ATP8B1: variants seen among roughly 807,000 people sequenced by gnomAD.
The protein encoded by ATP8B1 is ATPase phospholipid transporting 8B1.
In ATP8B1, 80 loss-of-function variants were observed where a neutral mutation model predicts 149.9. That is an observed-to-expected ratio of 0.53 (90% CI 0.45 to 0.64). The LOEUF (loss-of-function observed/expected upper bound fraction) is 0.64. Ranked by LOEUF, ATP8B1 falls within the 30% of genes least tolerant of loss-of-function variation. The probability of loss-of-function intolerance (pLI) is 0.00; values close to 1 mark genes in which losing one functional copy is unlikely to be tolerated. For synonymous variants in ATP8B1, 536 were observed against 562.8 expected (o/e 0.95, Z 0.67); for missense variants, 1,247 against 1,552.6 (o/e 0.80, Z 3.31).
At chr18:57,765,544 C>T (rs1327949754) in intron 1 of ATP8B1, among the ~76,000 whole-genome samples, 9 of 151,994 alleles carry the variant, frequency 5.9e-5, no homozygotes, top group Admixed American at 1.3e-4. Flanking sequence ...TGGCGGGCAC[C>T]TGTAGTCCCA....
intron 20 of ATP8B1, among the ~76,000 whole-genome samples, chr18:57,663,395 G>A (rs961933377): frequency 6.6e-6 from 1 of 152,110 alleles, no homozygotes; most frequent in Non-Finnish European, 1.5e-5. Flanking sequence ...TGTGAACATG[G>A]GTGTGCATGT....
intron 1 of ATP8B1, among the ~76,000 whole-genome samples, chr18:57,753,792 G>A (rs909840293): frequency 2.0e-5 from 3 of 151,940 alleles, no homozygotes; most frequent in Non-Finnish European, 4.4e-5. Context: ...GCTGGGCTTG[G>A]TGGTGCACTT....
At chr18:57,797,587 C>T (rs2080526771) in intron 1 of ATP8B1, among the ~76,000 whole-genome samples, 1 of 152,032 alleles carries the variant, frequency 6.6e-6, no homozygotes, top group African/African-American at 2.4e-5. Flanking sequence ...CACAGATCTT[C>T]AGAGTGGAAG....
At chr18:57,743,259 C>G (rs149344465) in intron 1 of ATP8B1, among the ~76,000 whole-genome samples, 1 of 152,082 alleles carries the variant, frequency 6.6e-6, no homozygotes, top group Non-Finnish European at 1.5e-5. Flanking sequence ...GTACAGTGAA[C>G]GCATCGTAGA....
chr18:57,655,991 T>C (rs1328753976), intron 22 of ATP8B1, among the ~76,000 whole-genome samples: 2 of 152,210 alleles, frequency 1.3e-5, no homozygotes, highest in East Asian at 1.9e-4. Flanking sequence ...CCAGCATCGC[T>C]TCCTCTTTTG....
intron 1 of ATP8B1, chr18:57,732,155 A>ATATATGTGTATATGTG (rs1356269230): frequency 2.3e-5 from 1 of 43,650 alleles, no homozygotes. Context: ...GTATATATGT[A>ATATATGTGTATATGTG]TATATATGTA....
chr18:57,771,717 T>C (rs117951589), intron 1 of ATP8B1, among the ~76,000 whole-genome samples: 2 of 152,258 alleles, frequency 1.3e-5, no homozygotes, highest in East Asian at 3.9e-4. Context: ...GATCAGAACA[T>C]ATCCAGTTTC....
chr18:57,736,556 G>A (rs1053628156), intron 1 of ATP8B1, among the ~76,000 whole-genome samples: 2 of 147,732 alleles, frequency 1.4e-5, no homozygotes, highest in Non-Finnish European at 3.0e-5. Flanking sequence ...GAACTCTTGG[G>A]CTCAAGGAAT....
At chr18:57,731,381 A>ACG in intron 2 of ATP8B1, 1 of 293,688 alleles carries the variant, frequency 3.4e-6, no homozygotes, top group Non-Finnish European at 6.4e-6. Flanking sequence ...ATATACACAC[A>ACG]CTAACAAAGA....
intron 16 of ATP8B1, among the ~76,000 whole-genome samples, chr18:57,673,951 C>G (rs1368191593): frequency 6.6e-6 from 1 of 151,964 alleles, no homozygotes; most frequent in African/African-American, 2.4e-5. Flanking sequence ...TCCTCCCTTC[C>G]CTGCCATCAA....
intron 13 of ATP8B1, among the ~76,000 whole-genome samples, chr18:57,685,705 G>T (rs1024204588): frequency 2.1e-5 from 3 of 143,698 alleles, no homozygotes; most frequent in Non-Finnish European, 4.6e-5. Flanking sequence ...GCTGAGATGG[G>T]CTGATCACCT....
At chr18:57,799,082 T>C (rs1295469544) in intron 1 of ATP8B1, among the ~76,000 whole-genome samples, 1 of 152,184 alleles carries the variant, frequency 6.6e-6, no homozygotes, top group Admixed American at 6.5e-5. Context: ...AGCTATCTCA[T>C]TTGGAACTCA....
chr18:57,782,253 C>T (rs1016209409), intron 1 of ATP8B1, among the ~76,000 whole-genome samples: 1 of 152,256 alleles, frequency 6.6e-6, no homozygotes, highest in African/African-American at 2.4e-5. Context: ...CAGCAAATAA[C>T]TACACAGATA....
At position 57,669,498 on chromosome 18, in the gene ATP8B1, A is replaced by G; in HGVS notation, c.1933-16T>C. ...TTGCAAAGATCTGTTTTATTTAAAA[A>G]AATAAATCCACCAATGCAAAGAATA... On this transcript the variant is annotated splice_polypyrimidine_tract_variant and intron_variant, in intron 17 of 27. Transcript: ENST00000648908. 1 of 1,604,716 alleles carries G rather than the reference A, an allele frequency of 6.2e-7. No individual in the cohort carries two copies. Among genetic ancestry groups the G allele is most frequent in the Non-Finnish European group, 8.5e-7 (1 of 1,172,640 alleles).
intron 1 of ATP8B1, among the ~76,000 whole-genome samples, chr18:57,759,214 C>T (rs968530313): frequency 9.3e-5 from 14 of 150,050 alleles, no homozygotes; most frequent in Admixed American, 2.0e-4. Context: ...GGCTTGCTTC[C>T]CTTTCTTTCT....
At chr18:57,692,077 A>C in intron 11 of ATP8B1, 80 bp from the exon 12 acceptor site, 1 of 1,546,362 alleles carries the variant, frequency 6.5e-7, no homozygotes, top group Non-Finnish European at 8.7e-7. Flanking sequence ...AATTAACCTT[A>C]CTCAATACTT....
At chr18:57,743,652 A>C (rs2079938999) in intron 1 of ATP8B1, among the ~76,000 whole-genome samples, 1 of 152,144 alleles carries the variant, frequency 6.6e-6, no homozygotes, top group African/African-American at 2.4e-5. Context: ...TGCAATGGAA[A>C]GGCCCAGCAC....
chr18:57,691,777 A>G, intron 12 of ATP8B1, 30 bp downstream of exon 12: 1 of 1,612,708 alleles, frequency 6.2e-7, no homozygotes, highest in East Asian at 2.2e-5. Flanking sequence ...TTCTTCCATT[A>G]AAGCAAAATG....
rs145917551 is a variant in ATP8B1 at position 57,783,501 on chromosome 18, T to G, written c.-26+19497A>C. ...TATGCCTGGTAGATGCTGCCTTAAG[T>G]GAAGCAAGACTCCTGATATTCACAA... On this transcript the variant is annotated intron_variant, in intron 1 of 27. Transcript: ENST00000648908. Among the ~76,000 whole-genome samples, 14 of 152,204 alleles carry G rather than the reference T, an allele frequency of 9.2e-5. No individual in the cohort carries two copies. The East Asian group carries it at 2.5e-3, about 27-fold the overall frequency.
Sources: gnomAD v4.1 joint callset for allele counts (sites outside exome capture counted in the v4.1 genomes callset) on GRCh38, gnomAD v4.1.1 for gene constraint, MANE v1.5 for transcripts, NCBI Gene and HGNC (gene_info 2026-07-23, HGNC 2026-07-21) for gene names.